The following ITSN2 variants were observed in gnomAD, a reference collection of about 807,000 sequenced individuals.
ITSN2 encodes intersectin-2.
In ITSN2, 156 loss-of-function variants were observed where a neutral mutation model predicts 243.7. The ratio of observed to expected loss-of-function variants is 0.64; its 90% CI spans 0.56 to 0.73. The LOEUF (loss-of-function observed/expected upper bound fraction) is 0.73. Among genes scored for constraint, ITSN2 ranks in the 30% least tolerant of loss-of-function variants. The probability of loss-of-function intolerance (pLI) is 0.00; values close to 1 mark genes in which losing one functional copy is unlikely to be tolerated. For synonymous variants in ITSN2, 703 were observed against 699.9 expected (o/e 1.00, Z -0.07); for missense variants, 1,801 against 1,996.1 (o/e 0.90, Z 1.86).
intron 1 of ITSN2, among the ~76,000 whole-genome samples, chr2:24,331,258 A>C (rs1685750857): frequency 6.6e-6 from 1 of 150,518 alleles, no homozygotes. Context: ...TTTTTAGTAG[A>C]AATGGGGTTT....
At chr2:24,265,830 A>G (rs2151425469) in intron 20 of ITSN2, among the ~76,000 whole-genome samples, 1 of 152,318 alleles carries the variant, frequency 6.6e-6, no homozygotes, top group Non-Finnish European at 1.5e-5. Context: ...GTTTTTATTT[A>G]AGGTATTCTC....
chr2:24,332,597 C>T (rs761105556), intron 1 of ITSN2, among the ~76,000 whole-genome samples: 7 of 152,136 alleles, frequency 4.6e-5, no homozygotes, highest in Non-Finnish European at 7.4e-5. Context: ...ATCTGATTAA[C>T]TGTGGTAACA....
intron 24 of ITSN2, 21 bp from the exon 25 acceptor site, chr2:24,252,532 A>T: frequency 1.3e-6 from 2 of 1,561,262 alleles, no homozygotes; most frequent in Middle Eastern, 3.4e-4. Flanking sequence ...CAAAGCAAAA[A>T]GAAGTAGATT....
intron 37 of ITSN2, 62 bp downstream of exon 37, chr2:24,208,175 G>A: frequency 7.5e-7 from 1 of 1,325,134 alleles, no homozygotes; most frequent in South Asian, 1.2e-5. Flanking sequence ...GACTGCAGGA[G>A]CAGTGGCCGG....
rs554623159 is a variant in ITSN2 at position 24,296,566 on chromosome 2, A to T, written c.1495-762T>A. Among the ~76,000 whole-genome samples, 10 of 152,336 alleles carry T rather than the reference A, an allele frequency of 6.6e-5. 1 individual carries two copies. The South Asian group carries it at 2.1e-3, about 32-fold the overall frequency. On this transcript the variant is annotated intron_variant, in intron 13 of 39. Coordinates refer to ENST00000355123, the MANE Select transcript of ITSN2 (RefSeq NM_006277.3). ...TCTGAACACAAAAGGCACCAGAGAT[A>T]AAATACACTCAGAGAAAACACCATA...
intron 1 of ITSN2, among the ~76,000 whole-genome samples, chr2:24,352,222 T>TATTA (rs948513369): frequency 6.6e-6 from 1 of 152,214 alleles, no homozygotes; most frequent in Non-Finnish European, 1.5e-5. Context: ...CGTACCTAAA[T>TATTA]GCCAGGTTAT....
At chr2:24,222,601 T>C (rs1213960669) in intron 29 of ITSN2, among the ~76,000 whole-genome samples, 1 of 151,626 alleles carries the variant, frequency 6.6e-6, no homozygotes, top group African/African-American at 2.4e-5. Flanking sequence ...ACTTTTGTCC[T>C]CCTTTAGTTC....
chr2:24,334,120 G>A (rs1686088137), intron 1 of ITSN2, among the ~76,000 whole-genome samples: 1 of 151,448 alleles, frequency 6.6e-6, no homozygotes, highest in Non-Finnish European at 1.5e-5. Context: ...GTGCAATTGT[G>A]CGATCTCAGC....
intron 14 of ITSN2, 113 bp from the exon 15 acceptor site, chr2:24,293,888 A>G (rs977304721): frequency 2.3e-6 from 1 of 433,378 alleles, no homozygotes; most frequent in Non-Finnish European, 4.2e-6. Flanking sequence ...TTTAGAAATA[A>G]TACATAGTTG....
Position 24,204,688 on chromosome 2 carries a change from A to G in ITSN2, c.4763-270T>C, listed in dbSNP as rs1293410803. The G allele has an allele frequency of 1.7e-6, 1 of 592,478 alleles. No homozygotes were observed. 36.7% of individuals were successfully genotyped at this position (592,478 alleles called of 1,614,324 possible). A position where few individuals can be genotyped will look rare whatever the true frequency, so the allele number is the denominator to read the frequency against. ...ACAATCCTGGGTGAGTGTCACTGCA[A>G]CCTGCTGCATGCTTCCTCGGCGCAG... On this transcript the variant is annotated intron_variant, in intron 38 of 39. Transcript: ENST00000355123. The surrounding 1 kb of genome is among the most constrained non-coding windows in gnomAD (Gnocchi z 5.1).
intron 1 of ITSN2, among the ~76,000 whole-genome samples, chr2:24,337,315 A>AATATATATATATACACATATATATATAT (rs1278959952): frequency 3.1e-5 from 1 of 32,026 alleles, no homozygotes; most frequent in Non-Finnish European, 5.7e-5. Context: ...GTATACACAA[A>AATATATATATATACACATATATATATAT]ATATATATAT....
chr2:24,303,875 G>T lies in ITSN2; in HGVS notation c.794-13C>A. 6.4e-7 allele frequency: 1 copy of T among 1,571,736 alleles called. No homozygotes were observed. ...CTAGCTTGAAAACCTGATTAAGTGGGGAAAATCATAAAGGAATTCTTTAGC... is the reference window on the plus strand; with the variant it reads ...CTAGCTTGAAAACCTGATTAAGTGGTGAAAATCATAAAGGAATTCTTTAGC... On this transcript the variant is annotated splice_polypyrimidine_tract_variant and intron_variant, in intron 8 of 39. Coordinates refer to ENST00000355123, the MANE Select transcript of ITSN2 (RefSeq NM_006277.3).
At chr2:24,243,327 C>G (rs1374696528) in intron 29 of ITSN2, among the ~76,000 whole-genome samples, 3 of 152,030 alleles carry the variant, frequency 2.0e-5, no homozygotes, top group South Asian at 4.1e-4. Flanking sequence ...TCAAGTAATA[C>G]CAAATGATGA....
intron 34 of ITSN2, chr2:24,210,362 G>T (rs1404557937): frequency 3.0e-6 from 1 of 331,740 alleles, no homozygotes; most frequent in Non-Finnish European, 5.6e-6. Flanking sequence ...TGCAATCCCA[G>T]CACTGTTGGG....
chr2:24,243,069 A>C (rs943361453), intron 29 of ITSN2, among the ~76,000 whole-genome samples: 2 of 152,194 alleles, frequency 1.3e-5, no homozygotes, highest in African/African-American at 4.8e-5. Context: ...CCCTTCCAGC[A>C]AACAATTAGT....
At chr2:24,265,798 C>A (rs1676588541) in intron 20 of ITSN2, among the ~76,000 whole-genome samples, 1 of 152,206 alleles carries the variant, frequency 6.6e-6, no homozygotes, top group Non-Finnish European at 1.5e-5. Flanking sequence ...TTTAAAAACA[C>A]CTGGCACATG....
Position 24,284,788 on chromosome 2 carries a change from A to G in ITSN2, c.1919T>C (p.Leu640Pro). ...LQCLLSLLSC[L>P]NNLFLLLKEL... The stretch of plus-strand genomic sequence containing the variant: ...CTTAAGTAAGAGGAAGAGGTTGTTG[A>G]GACAGCTTAGCAGAGACAAAAGGCA... The change falls in exon 17 of 40, where the codon CTC (leucine) becomes CCC (proline). Residue 640 changes from leucine to proline, a missense_variant. Around this residue, in one of 5 missense-constraint regions of ITSN2, gnomAD observed 787 missense variants for 803.9 expected, o/e 0.98. Coordinates refer to ENST00000355123, the MANE Select transcript of ITSN2 (RefSeq NM_006277.3). 1 of 1,602,936 alleles carries G rather than the reference A, an allele frequency of 6.2e-7. No homozygotes were observed. The highest frequency in any genetic ancestry group is 8.5e-7 in the Non-Finnish European group (1 of 1,170,284).
intron 1 of ITSN2, chr2:24,334,888 C>T: frequency 2.2e-6 from 1 of 463,572 alleles, no homozygotes. Context: ...AAGGTGAAAC[C>T]CCGTCTCTAC....
At chr2:24,282,534 G>T (rs898089024) in intron 17 of ITSN2, among the ~76,000 whole-genome samples, 5 of 152,180 alleles carry the variant, frequency 3.3e-5, no homozygotes, top group African/African-American at 1.2e-4. Flanking sequence ...ATAAGGAAGG[G>T]GGTCTAACTG....
Sources: allele counts gnomAD v4.1 joint callset (sites outside exome capture counted in the v4.1 genomes callset), GRCh38; gene constraint gnomAD v4.1.1; regional missense constraint gnomAD v4.1.1; non-coding constraint Gnocchi (gnomAD v3.1); transcripts MANE v1.5; gene names NCBI Gene and HGNC (gene_info 2026-07-23, HGNC 2026-07-21).